AFP: variants seen among roughly 807,000 people sequenced by gnomAD.
The protein encoded by AFP is alpha-fetoprotein.
In AFP, 64 loss-of-function variants were observed where a neutral mutation model predicts 78.9. The observed-to-expected ratio is 0.81, with a 90% confidence interval of 0.66 to 1.00. The LOEUF (loss-of-function observed/expected upper bound fraction) is 1.00. Among genes scored for constraint, AFP ranks in the 50% least tolerant of loss-of-function variants. The pLI is 0.00. For synonymous variants in AFP, 254 were observed against 243.8 expected (o/e 1.04, Z -0.39); for missense variants, 689 against 703.8 (o/e 0.98, Z 0.24).
Position 73,455,499 on chromosome 4 carries a change from AAG to A in AFP, c.*11-130_*11-129del, listed in dbSNP as rs1371259778. 6.2e-6 allele frequency: 4 copies of A among 642,892 alleles called. No individual in the cohort carries two copies. The African/African-American group carries it at 7.4e-5, about 12-fold the overall frequency. The allele number at this position is 642,892 out of a possible 1,614,324, so 39.8% of individuals were successfully genotyped here. ...TGCAAAATCCTTTTTGGTTATTTAA[AAG>A]ACTTCAACAAATGCTATCAGAAGAC... is the stretch of plus-strand genomic sequence containing the variant. On this transcript the variant is annotated intron_variant, in intron 14 of 14. Coordinates refer to ENST00000395792, the MANE Select transcript of AFP (RefSeq NM_001134.3).
intron 12 of AFP, 103 bp downstream of exon 12, chr4:73,452,727 C>T (rs1720041233): frequency 6.5e-6 from 6 of 924,600 alleles, no homozygotes; most frequent in South Asian, 4.2e-5. Flanking sequence ...ACTAACAGAG[C>T]GTTACTCCCA....
chr4:73,443,235 CAT>C (rs1184881086), intron 5 of AFP, 110 bp from the exon 6 acceptor site: 4 of 812,384 alleles, frequency 4.9e-6, no homozygotes, highest in Admixed American at 2.3e-5. Flanking sequence ...TAGTAAAAAA[CAT>C]ATTTTATGGA....
At chr4:73,436,392 T>G in intron 1 of AFP, 45 bp downstream of exon 1, 1 of 1,141,010 alleles carries the variant, frequency 8.8e-7, no homozygotes, top group Non-Finnish European at 1.3e-6. Context: ...ATATCAAAAT[T>G]TTTTAAATTA....
intron 3 of AFP, among the ~76,000 whole-genome samples, chr4:73,440,398 T>C (rs1414022758): frequency 6.6e-6 from 1 of 152,214 alleles, no homozygotes; most frequent in Non-Finnish European, 1.5e-5. Flanking sequence ...TTCCTTTTAT[T>C]GTTTGGACAT....
intron 7 of AFP, 140 bp from the exon 8 acceptor site, chr4:73,447,322 C>T: frequency 4.5e-6 from 2 of 442,016 alleles, no homozygotes; most frequent in Non-Finnish European, 4.1e-6. Flanking sequence ...CTTTCCCCTT[C>T]CTTCTTTCCT....
chr4:73,447,630 G>A lies in AFP; in HGVS notation c.1012G>A (p.Asp338Asn). Residue 338 changes from aspartate to asparagine, a missense_variant, in exon 8 of 15, where the codon GAT (aspartate) becomes AAT (asparagine). By Grantham distance (23) the Asp-to-Asn change is conservative (BLOSUM62 1). Transcript: ENST00000395792. ...TCTAAACAGGTTTTTAGGAGATAGA[G>A]ATTTTAACCAATTTTCTTCAGGGGA... ...PNLNRFLGDR[D>N]FNQFSSGEKN... 1 of 1,611,748 alleles carries A rather than the reference G, an allele frequency of 6.2e-7. No individual in the cohort carries two copies. The highest frequency in any genetic ancestry group is 1.1e-5 in the South Asian group (1 of 90,948).
chr4:73,443,346 G>C lies in AFP; in HGVS notation c.616-1G>C, dbSNP rs1560393637. 2 of 1,609,070 alleles carry C rather than the reference G, an allele frequency of 1.2e-6. No individual in the cohort carries two copies. ...TGACATTTTGTTTCCTCTACATCTA[G>C]GCAGCAACAGTTACAAAAGAATTAA... On this transcript the variant is annotated splice_acceptor_variant, in intron 5 of 14. Coordinates refer to ENST00000395792, the MANE Select transcript of AFP (RefSeq NM_001134.3). LOFTEE classifies it high-confidence loss of function.
chr4:73,436,417 A>C, intron 1 of AFP, 70 bp downstream of exon 1: 2 of 869,498 alleles, frequency 2.3e-6, no homozygotes, highest in East Asian at 5.5e-5. Flanking sequence ...ATTTGCATTA[A>C]TTTGTCTTGA....
At position 73,444,001 on chromosome 4, in the gene AFP, A is replaced by G. The variant is rs111680322; in HGVS notation, c.713+557A>G. Among the ~76,000 whole-genome samples, 724 of 152,272 alleles carry G rather than the reference A, an allele frequency of 4.8e-3. 8 individuals carry two copies. The highest frequency in any genetic ancestry group is 0.017 in the African/African-American group (695 of 41,566). On this transcript the variant is annotated intron_variant, in intron 6 of 14. Transcript: ENST00000395792. ...AGTACTCATCAACTCTTTTATGATA[A>G]AACATTTCTAGTATATGAAAATATC...
At position 73,438,233 on chromosome 4, in the gene AFP, TG is replaced by T. The variant is rs919016338; in HGVS notation, c.199del (p.Val67Ter). The part of the protein sequence containing the change: ...QEATYKEVSK[M>X]VKDALTAIEK... ...GCCACTTACAAGGAAGTAAGCAAAATGGTGAAAGATGCATTGACTGCAATTG... is the reference window on the plus strand; with the variant it reads ...GCCACTTACAAGGAAGTAAGCAAAATGTGAAAGATGCATTGACTGCAATTG... On this transcript the variant is annotated frameshift_variant, in exon 3 of 15. Coordinates refer to ENST00000395792, the MANE Select transcript of AFP (RefSeq NM_001134.3). LOFTEE classifies it high-confidence loss of function. 1 of 1,613,300 alleles carries T rather than the reference TG, an allele frequency of 6.2e-7. No homozygotes were observed. Among genetic ancestry groups the T allele is most frequent in the Non-Finnish European group, 8.5e-7 (1 of 1,179,552 alleles).
intron 6 of AFP, among the ~76,000 whole-genome samples, chr4:73,444,236 ATTAAT>A (rs1341505982): frequency 6.6e-6 from 1 of 152,182 alleles, no homozygotes; most frequent in African/African-American, 2.4e-5. Context: ...AAATTGAAAG[ATTAAT>A]TTATGACCTA....
intron 11 of AFP, among the ~76,000 whole-genome samples, chr4:73,451,497 T>C (rs1263310936): frequency 6.6e-6 from 1 of 152,108 alleles, no homozygotes; most frequent in Non-Finnish European, 1.5e-5. Flanking sequence ...AGGTTAAGAG[T>C]AAAAGGAGAG....
In AFP at chr4:73,443,343, C is replaced by A. The variant is rs367926733; in HGVS notation, c.616-4C>A. On this transcript the variant is annotated splice_region_variant and splice_polypyrimidine_tract_variant and intron_variant, in intron 5 of 14. Coordinates refer to ENST00000395792, the MANE Select transcript of AFP (RefSeq NM_001134.3). ...TCATGACATTTTGTTTCCTCTACAT[C>A]TAGGCAGCAACAGTTACAAAAGAAT... 27 of 1,606,962 alleles carry A rather than the reference C, an allele frequency of 1.7e-5. No individual in the cohort carries two copies. Among genetic ancestry groups the A allele is most frequent in the Non-Finnish European group, 2.3e-5 (27 of 1,173,756 alleles).
chr4:73,455,813 C>T lies in AFP; in HGVS notation c.*193C>T, dbSNP rs764692024. On this transcript the variant is annotated 3_prime_UTR_variant, in exon 15 of 15. Coordinates refer to ENST00000395792, the MANE Select transcript of AFP (RefSeq NM_001134.3). The stretch of plus-strand genomic sequence containing the variant: ...AGTTTGCTTATTTATGAAAAGTTAT[C>T]GATAATTTCTTTAGTTTTGTATACC... 2.7e-5 allele frequency: 16 copies of T among 603,108 alleles called. No individual in the cohort carries two copies. Among genetic ancestry groups the T allele is most frequent in the Non-Finnish European group, 3.8e-5 (13 of 344,062 alleles). The allele number at this position is 603,108 out of a possible 1,614,324, so 37.4% of individuals were successfully genotyped here.
intron 7 of AFP, 41 bp downstream of exon 7, chr4:73,445,163 C>T (rs776578845): frequency 6.2e-7 from 1 of 1,609,000 alleles, no homozygotes; most frequent in Admixed American, 1.7e-5. Context: ...TTTTCACTCC[C>T]TTTTCTTTCT....
intron 1 of AFP, among the ~76,000 whole-genome samples, chr4:73,436,761 G>T (rs1719518177): frequency 6.6e-6 from 1 of 151,680 alleles, no homozygotes; most frequent in South Asian, 2.1e-4. Context: ...AGAAAAATGG[G>T]TCATTATTTG....
At chr4:73,436,452 A>C (rs113620103) in intron 1 of AFP, 105 bp downstream of exon 1, 6 of 666,096 alleles carry the variant, frequency 9.0e-6, no homozygotes, top group Non-Finnish European at 1.5e-5. Context: ...TTATTATTCC[A>C]CATGGAGAAA....
chr4:73,448,576 T>G (rs931373962), intron 8 of AFP, among the ~76,000 whole-genome samples: 1 of 152,164 alleles, frequency 6.6e-6, no homozygotes, highest in Non-Finnish European at 1.5e-5. Flanking sequence ...AGACACATAG[T>G]GACAACTGAT....
chr4:73,454,642 G>A (rs530130385), intron 13 of AFP, among the ~76,000 whole-genome samples: 9 of 152,144 alleles, frequency 5.9e-5, no homozygotes, highest in Middle Eastern at 3.4e-3. Flanking sequence ...ATAACTTAGC[G>A]TTTTTGTCAA....
Sources: gnomAD v4.1 joint callset for allele counts (sites outside exome capture counted in the v4.1 genomes callset) on GRCh38, gnomAD v4.1.1 for gene constraint, MANE v1.5 for transcripts, NCBI Gene and HGNC (gene_info 2026-07-23, HGNC 2026-07-21) for gene names.